The following GBF1 variants were observed in gnomAD, a reference collection of about 807,000 sequenced individuals.
GBF1 encodes the protein golgi brefeldin A resistant guanine nucleotide exchange factor 1.
Under a neutral mutation model 210.5 loss-of-function variants are expected in GBF1, and 114 were observed. The ratio of observed to expected loss-of-function variants is 0.54; its 90% confidence interval spans 0.47 to 0.63. The LOEUF (loss-of-function observed/expected upper bound fraction) is 0.63. GBF1 is among the 30% of genes least tolerant of loss of function. The probability of loss-of-function intolerance (pLI) is 0.00; values close to 1 mark genes in which losing one functional copy is unlikely to be tolerated. For synonymous variants in GBF1, 850 were observed against 889.2 expected (o/e 0.96, Z 0.78); for missense variants, 1,851 against 2,357.7 (o/e 0.79, Z 4.45).
chr10:102,336,085 A>G (rs1452497570), intron 3 of GBF1, among the ~76,000 whole-genome samples: 2 of 152,066 alleles, frequency 1.3e-5, no homozygotes, highest in Non-Finnish European at 2.9e-5. Flanking sequence ...GCAGATCACA[A>G]GGTCAGGAGA....
intron 3 of GBF1, 103 bp from the exon 4 acceptor site, chr10:102,343,948 C>T: frequency 1.2e-6 from 1 of 826,076 alleles, no homozygotes; most frequent in Non-Finnish European, 2.0e-6. Context: ...AAGATTGACC[C>T]AACAACAAAG....
chr10:102,302,923 G>A (rs1039403599), intron 3 of GBF1, among the ~76,000 whole-genome samples: 1 of 149,900 alleles, frequency 6.7e-6, no homozygotes, highest in Non-Finnish European at 1.5e-5. Context: ...GGTACAAAAT[G>A]TACATCTATG....
chr10:102,262,420 T>C (rs1370972623), intron 3 of GBF1, among the ~76,000 whole-genome samples: 5 of 152,212 alleles, frequency 3.3e-5, no homozygotes, highest in Non-Finnish European at 5.9e-5. Flanking sequence ...TTTACAGTTC[T>C]TTTTGTTTGG....
intron 3 of GBF1, among the ~76,000 whole-genome samples, chr10:102,341,395 A>C (rs1007618493): frequency 1.3e-5 from 2 of 152,226 alleles, no homozygotes; most frequent in African/African-American, 4.8e-5. Context: ...TTTGACAGTA[A>C]AGCTAACCAC....
At chr10:102,358,216 A>G in intron 9 of GBF1, 30 bp downstream of exon 9, 1 of 1,577,080 alleles carries the variant, frequency 6.3e-7, no homozygotes, top group Non-Finnish European at 8.7e-7. Flanking sequence ...TCCTCTGATT[A>G]GACAAAAGAA....
intron 4 of GBF1, among the ~76,000 whole-genome samples, chr10:102,346,443 T>C (rs72845670): frequency 0.4 from 60,558 of 152,202 alleles, 12,145 homozygotes; most frequent in South Asian, 0.51. Context: ...TTCTACTTCC[T>C]TACCCTGTCA....
chr10:102,348,015 C>T (rs2058690691), intron 4 of GBF1, among the ~76,000 whole-genome samples: 1 of 152,182 alleles, frequency 6.6e-6, no homozygotes, highest in African/African-American at 2.4e-5. Flanking sequence ...TGGCTCACTG[C>T]AACCTCCATT....
At chr10:102,336,666 C>T (rs1441963150) in intron 3 of GBF1, among the ~76,000 whole-genome samples, 1 of 152,144 alleles carries the variant, frequency 6.6e-6, no homozygotes. Flanking sequence ...GGATTTGAAT[C>T]GTCCACGAAA....
intron 8 of GBF1, among the ~76,000 whole-genome samples, chr10:102,357,740 T>C (rs1286353959): frequency 6.6e-6 from 1 of 152,130 alleles, no homozygotes; most frequent in Non-Finnish European, 1.5e-5. Context: ...TCCTGCTTAA[T>C]GTAACACTCA....
chr10:102,367,880 C>T (rs1413352681), intron 21 of GBF1, among the ~76,000 whole-genome samples: 3 of 152,220 alleles, frequency 2.0e-5, no homozygotes, highest in Non-Finnish European at 4.4e-5. Flanking sequence ...CCAAGATGGG[C>T]ACTGGAGTGT....
chr10:102,285,471 C>T (rs2075855979), intron 3 of GBF1, among the ~76,000 whole-genome samples: 2 of 152,154 alleles, frequency 1.3e-5, no homozygotes, highest in Non-Finnish European at 2.9e-5. Context: ...ATACTATGTA[C>T]AGATATTAAA....
At chr10:102,258,175 GGT>G (rs1280996220) in intron 1 of GBF1, among the ~76,000 whole-genome samples, 2 of 122,430 alleles carry the variant, frequency 1.6e-5, no homozygotes, top group South Asian at 2.6e-4. Flanking sequence ...TTTTTTTTGA[GGT>G]GGAGTTTCAC....
chr10:102,289,611 G>C (rs1309415143), intron 3 of GBF1, among the ~76,000 whole-genome samples: 2 of 152,126 alleles, frequency 1.3e-5, no homozygotes, highest in African/African-American at 2.4e-5. Flanking sequence ...ATAGCCTAAG[G>C]CTGTAAATAA....
intron 3 of GBF1, among the ~76,000 whole-genome samples, chr10:102,302,682 A>T (rs548870801): frequency 6.6e-6 from 1 of 152,310 alleles, no homozygotes; most frequent in Admixed American, 6.5e-5. Flanking sequence ...GAGGATAAGG[A>T]TCATCACTAA....
intron 3 of GBF1, among the ~76,000 whole-genome samples, chr10:102,276,351 C>T (rs1277381660): frequency 1.3e-5 from 2 of 151,778 alleles, no homozygotes; most frequent in Non-Finnish European, 2.9e-5. Context: ...ACGGTGAAAC[C>T]CCGTCTCTAC....
chr10:102,232,907 A>G, the GBF1 span, among the ~76,000 whole-genome samples: 1,555 of 152,276 alleles, frequency 0.01, 22 homozygotes, highest in African/African-American at 0.036. Context: ...AGAATAATGT[A>G]TACTTACTGT....
At chr10:102,369,502 A>T in intron 24 of GBF1, 115 bp downstream of exon 24, 1 of 909,306 alleles carries the variant, frequency 1.1e-6, no homozygotes, top group Non-Finnish European at 1.7e-6. Context: ...TGCCTGCCAC[A>T]GCTCACCAGG....
chr10:102,327,242 G>A (rs1030415063), intron 3 of GBF1, among the ~76,000 whole-genome samples: 1 of 152,122 alleles, frequency 6.6e-6, no homozygotes, highest in African/African-American at 2.4e-5. Flanking sequence ...CTCATGATGT[G>A]GCTTCTTCTC....
chr10:102,363,146 C>T lies in GBF1; in HGVS notation c.1877-110C>T. 1 of 987,616 alleles carries T rather than the reference C, an allele frequency of 1.0e-6. No individual in the cohort carries two copies. The highest frequency in any genetic ancestry group is 1.5e-6 in the Non-Finnish European group (1 of 682,598). 61.2% of individuals were successfully genotyped at this position (987,616 alleles called of 1,614,324 possible). ...GGGTTTGTCCTGCTCAGGGCTGGCG[C>T]CCTGTGCAGGAACCATGCAGGTCTT... On this transcript the variant is annotated intron_variant, in intron 15 of 39. Transcript: ENST00000369983. This position sits in a 1 kb window ranked among gnomAD's most constrained non-coding sequence, Gnocchi z 4.2.
Sources: allele counts gnomAD v4.1 joint callset (sites outside exome capture counted in the v4.1 genomes callset), GRCh38; gene constraint gnomAD v4.1.1; non-coding constraint Gnocchi (gnomAD v3.1); transcripts MANE v1.5; gene names NCBI Gene and HGNC (gene_info 2026-07-23, HGNC 2026-07-21).